RALGAPA1: variants seen among roughly 807,000 people sequenced by gnomAD.
The protein encoded by RALGAPA1 is Ral GTPase activating protein catalytic subunit alpha 1.
In RALGAPA1, 52 loss-of-function variants were observed where a neutral mutation model predicts 269.6. The ratio of observed to expected loss-of-function variants is 0.19; its 90% CI spans 0.15 to 0.24. The LOEUF is 0.24. Among genes scored for constraint, RALGAPA1 ranks in the 10% least tolerant of loss-of-function variants. RALGAPA1 has a pLI of 1.00. For synonymous variants in RALGAPA1, 817 were observed against 1,008.3 expected (o/e 0.81, Z 3.60); for missense variants, 1,917 against 3,013.9 (o/e 0.64, Z 8.52).
chr14:35,596,511 T>G (rs1008072698), intron 36 of RALGAPA1, among the ~76,000 whole-genome samples: 1 of 152,026 alleles, frequency 6.6e-6, no homozygotes, highest in African/African-American at 2.4e-5. Context: ...TTTATATATA[T>G]GCTTTGCAAT....
At chr14:35,627,048 C>CG (rs1375079614) in intron 34 of RALGAPA1, 42 bp downstream of exon 34, 24 of 545,304 alleles carry the variant, frequency 4.4e-5, no homozygotes, top group African/African-American at 1.2e-4. Context: ...TGAATAAGAC[C>CG]GAAAAAAAAA....
chr14:35,635,521 A>G lies in RALGAPA1; in HGVS notation c.5754T>C (p.His1918=). The part of the protein sequence containing the change: ...LPLKTLLQPF[H]ATGAESDKTE... Reference sequence around the variant, plus strand: ...TTTTATCGCTTTCTGCTCCCGTAGCATGAAATGGTTGGAGCAGTGTCTTTA... The same window carrying G: ...TTTTATCGCTTTCTGCTCCCGTAGCGTGAAATGGTTGGAGCAGTGTCTTTA... The change falls in exon 32 of 42, where the codon CAT becomes CAC. Residue 1918 remains histidine, a synonymous_variant. Transcript: ENST00000680220. 1 of 1,609,616 alleles carries G rather than the reference A, an allele frequency of 6.2e-7. No homozygotes were observed. The highest frequency in any genetic ancestry group is 1.7e-4 in the Middle Eastern group (1 of 6,028).
At chr14:35,555,000 C>T (rs2055460032) in intron 39 of RALGAPA1, among the ~76,000 whole-genome samples, 1 of 152,102 alleles carries the variant, frequency 6.6e-6, no homozygotes, top group South Asian at 2.1e-4. Flanking sequence ...TCTGTAAAGG[C>T]AAACCTTTTA....
At chr14:35,655,158 C>T (rs1209596417) in intron 29 of RALGAPA1, among the ~76,000 whole-genome samples, 1 of 152,074 alleles carries the variant, frequency 6.6e-6, no homozygotes, top group African/African-American at 2.4e-5. Context: ...CCCTCACTGT[C>T]TAGCAATGTG....
intron 4 of RALGAPA1, among the ~76,000 whole-genome samples, chr14:35,763,629 A>C (rs1359071865): frequency 6.6e-6 from 1 of 152,094 alleles, no homozygotes; most frequent in Non-Finnish European, 1.5e-5. Flanking sequence ...GGTGCATACT[A>C]TTCCACCGTA....
chr14:35,678,102 C>A lies in RALGAPA1; in HGVS notation c.4472G>T (p.Gly1491Val), dbSNP rs1237967364. The A allele has an allele frequency of 6.3e-7, 1 of 1,599,796 alleles. No homozygotes were observed. Among genetic ancestry groups the A allele is most frequent in the Admixed American group, 1.8e-5 (1 of 56,220 alleles). The change falls in exon 22 of 42, where the codon GGT becomes GTT. Residue 1491 changes from glycine to valine, a missense_variant and splice_region_variant. By Grantham distance (109) the Gly-to-Val change is moderately radical. Around this residue, in one of 11 missense-constraint regions of RALGAPA1, gnomAD observed 615 missense variants for 790.0 expected, o/e 0.78. Transcript: ENST00000680220. Reference sequence around the variant, plus strand: ...GTGGACTGGGGAAGCACTTTCTGAACCTGTAAATATAATTTCATAAAATTA... The same window carrying A: ...GTGGACTGGGGAAGCACTTTCTGAAACTGTAAATATAATTTCATAAAATTA... ...AFSAEVATIT[G>V]SESASPVHSP... is the part of the protein sequence containing the mutation.
At chr14:35,603,791 A>G (rs2059424845) in intron 36 of RALGAPA1, among the ~76,000 whole-genome samples, 2 of 152,140 alleles carry the variant, frequency 1.3e-5, no homozygotes, top group South Asian at 4.1e-4. Flanking sequence ...GAGCTAAAAA[A>G]GTTGATTTCA....
chr14:35,593,605 C>T (rs981173539), intron 37 of RALGAPA1, among the ~76,000 whole-genome samples: 1 of 152,064 alleles, frequency 6.6e-6, no homozygotes, highest in Non-Finnish European at 1.5e-5. Context: ...TGGCTTACAC[C>T]TATAATCCCA....
chr14:35,787,544 AC>A (rs1186436165), intron 1 of RALGAPA1, among the ~76,000 whole-genome samples: 1 of 152,150 alleles, frequency 6.6e-6, no homozygotes, highest in African/African-American at 2.4e-5. Flanking sequence ...ATAAATACCA[AC>A]AAGAAATTTT....
At chr14:35,612,617 C>A (rs886467679) in intron 35 of RALGAPA1, among the ~76,000 whole-genome samples, 10 of 151,126 alleles carry the variant, frequency 6.6e-5, no homozygotes, top group Non-Finnish European at 1.2e-4. Flanking sequence ...CGGCTCACTG[C>A]AAGCTCCGCT....
chr14:35,728,177 C>T (rs558428118), intron 13 of RALGAPA1, among the ~76,000 whole-genome samples, 185 bp downstream of exon 13: 32 of 152,198 alleles, frequency 2.1e-4, no homozygotes, highest in African/African-American at 7.2e-4. Context: ...TGCGGAAGTC[C>T]GAACAAAGTT....
chr14:35,577,027 C>T (rs1257197150), intron 37 of RALGAPA1, among the ~76,000 whole-genome samples: 4 of 152,126 alleles, frequency 2.6e-5, no homozygotes, highest in African/African-American at 9.7e-5. Context: ...ATCTAGTAAT[C>T]CTATTAAAAC....
chr14:35,725,525 A>G (rs1213333554), intron 13 of RALGAPA1, among the ~76,000 whole-genome samples: 2 of 152,204 alleles, frequency 1.3e-5, no homozygotes, highest in Non-Finnish European at 2.9e-5. Flanking sequence ...ATGGAATCCA[A>G]TCAAATCCAT....
intron 30 of RALGAPA1, among the ~76,000 whole-genome samples, chr14:35,653,113 C>A (rs1267246713): frequency 6.6e-6 from 1 of 152,062 alleles, no homozygotes; most frequent in African/African-American, 2.4e-5. Flanking sequence ...TCTTACAGAC[C>A]TGGGTCTGAG....
At chr14:35,685,739 A>C (rs1184001085) in intron 19 of RALGAPA1, among the ~76,000 whole-genome samples, 1 of 152,104 alleles carries the variant, frequency 6.6e-6, no homozygotes, top group African/African-American at 2.4e-5. Context: ...CCCTGTCTCT[A>C]CTAAAAATAG....
At chr14:35,666,178 C>T (rs1205504797) in intron 26 of RALGAPA1, among the ~76,000 whole-genome samples, 2 of 151,948 alleles carry the variant, frequency 1.3e-5, no homozygotes, top group Non-Finnish European at 2.9e-5. Flanking sequence ...GTGCGTGCCA[C>T]CACTACCAGA....
chr14:35,593,897 C>A (rs1016929180), intron 37 of RALGAPA1, among the ~76,000 whole-genome samples: 19 of 151,572 alleles, frequency 1.3e-4, no homozygotes, highest in African/African-American at 4.6e-4. Context: ...TATTACAAAG[C>A]TACAGTCATC....
At position 35,737,521 on chromosome 14, in the gene RALGAPA1, C is replaced by T. The variant is rs1282503429; in HGVS notation, c.1587+992G>A. ...CCTATAATCACAGCAATTTGGGAGG[C>T]CAAGGCAGGTGGATTACCTGAGGTC... On this transcript the variant is annotated intron_variant, in intron 12 of 41. Transcript: ENST00000680220. 2.0e-5 allele frequency among the ~76,000 whole-genome samples: 3 copies of T among 151,772 alleles called. No individual in the cohort carries two copies. In the East Asian group the frequency reaches 5.8e-4, roughly 29 times the overall value.
chr14:35,586,087 T>G (rs1306013802), intron 37 of RALGAPA1, among the ~76,000 whole-genome samples: 1 of 152,248 alleles, frequency 6.6e-6, no homozygotes, highest in Non-Finnish European at 1.5e-5. Flanking sequence ...TCCATGAGCA[T>G]GGAATGTTCT....
Sources: gnomAD v4.1 joint callset for allele counts (sites outside exome capture counted in the v4.1 genomes callset) on GRCh38, gnomAD v4.1.1 for gene constraint, gnomAD v4.1.1 regional missense constraint, MANE v1.5 for transcripts, NCBI Gene and HGNC (gene_info 2026-07-23, HGNC 2026-07-21) for gene names.